SYNE3: variants seen among roughly 807,000 people sequenced by gnomAD.
SYNE3 encodes spectrin repeat containing nuclear envelope family member 3.
A neutral mutation model predicts 111.2 loss-of-function variants in SYNE3; 100 were observed. That is an observed-to-expected ratio of 0.90 (90% CI 0.77 to 1.06). The LOEUF (loss-of-function observed/expected upper bound fraction) is 1.06. Among genes scored for constraint, SYNE3 ranks in the 50% least tolerant of loss-of-function variants. The pLI is 0.00. For missense variants in SYNE3, 1,160 were observed against 1,240.3 expected (o/e 0.94, Z 0.97); for synonymous variants, 547 against 533.9 (o/e 1.02, Z -0.34).
chr14:95,433,499 T>G, intron 15 of SYNE3, 90 bp from the exon 16 acceptor site: 1 of 1,543,986 alleles, frequency 6.5e-7, no homozygotes, highest in South Asian at 1.2e-5. Flanking sequence ...AAATTTCACT[T>G]GACAGACAGG....
chr14:95,466,424 G>A (rs1039784875), intron 3 of SYNE3, among the ~76,000 whole-genome samples, 184 bp from the exon 4 acceptor site: 3 of 152,182 alleles, frequency 2.0e-5, no homozygotes, highest in Non-Finnish European at 4.4e-5. Flanking sequence ...CCCTCCCTCA[G>A]TCCTACTGGA....
At chr14:95,492,298 A>G (rs554996085) in intron 1 of SYNE3, among the ~76,000 whole-genome samples, 2 of 152,246 alleles carry the variant, frequency 1.3e-5, no homozygotes, top group Admixed American at 6.5e-5. Flanking sequence ...AAATGAAAAC[A>G]TATGTCCACA....
intron 3 of SYNE3, 138 bp downstream of exon 3, chr14:95,467,657 C>A (rs1196055937): frequency 6.7e-6 from 7 of 1,041,838 alleles, no homozygotes; most frequent in African/African-American, 3.2e-5. Flanking sequence ...GCAGGGCTGG[C>A]CCTAATCCCA....
intron 4 of SYNE3, among the ~76,000 whole-genome samples, chr14:95,461,484 T>G (rs951129708): frequency 6.6e-6 from 1 of 152,204 alleles, no homozygotes; most frequent in Non-Finnish European, 1.5e-5. Context: ...TAGTCAAGAA[T>G]CTCCCTCTAG....
chr14:95,443,861 G>T (rs1315223126), intron 10 of SYNE3: 1 of 152,228 alleles, frequency 6.6e-6, no homozygotes, highest in African/African-American at 2.4e-5. Flanking sequence ...TAGAGACAGG[G>T]TTTCACCATG....
chr14:95,457,427 T>C, intron 4 of SYNE3, 89 bp from the exon 5 acceptor site: 4 of 1,349,148 alleles, frequency 3.0e-6, no homozygotes, highest in South Asian at 1.4e-5. Context: ...TGGGTGTGTG[T>C]GTGTGTGTGT....
chr14:95,445,835 C>T lies in SYNE3; in HGVS notation c.1632+74G>A, dbSNP rs8013258. ...GCAGAGCTGAGTTTAGAACATAAGG[C>T]CATCTGCCTCCCCAGTGGGTGCTCC... On this transcript the variant is annotated intron_variant, in intron 9 of 17. Coordinates refer to ENST00000682763, the MANE Select transcript of SYNE3 (RefSeq NM_152592.6). The T allele has an allele frequency of 0.012, 18,217 of 1,516,132 alleles. 1,771 individuals are homozygous for T. The African/African-American group carries it at 0.21, about 18-fold the overall frequency. 93.9% of individuals were successfully genotyped at this position (1,516,132 alleles called of 1,614,324 possible). A position where few individuals can be genotyped will look rare whatever the true frequency, so the allele number is the denominator to read the frequency against.
chr14:95,449,562 G>T (rs977303337), intron 8 of SYNE3: 1 of 985,478 alleles, frequency 1.0e-6, no homozygotes, highest in African/African-American at 1.7e-5. Flanking sequence ...TGGACTGCCT[G>T]AATGTCGCTG....
At chr14:95,514,201 T>C (rs1247156707) in intron 1 of SYNE3, among the ~76,000 whole-genome samples, 1 of 152,232 alleles carries the variant, frequency 6.6e-6, no homozygotes, top group Non-Finnish European at 1.5e-5. Context: ...ACTGAAAATA[T>C]TCATTATCAC....
chr14:95,457,419 GGTGTGTGTGTGT>G lies in SYNE3; in HGVS notation c.628-93_628-82del, dbSNP rs36203973. 53 of 1,400,474 alleles carry G rather than the reference GGTGTGTGTGTGT, an allele frequency of 3.8e-5. No homozygotes were observed. The African/African-American group carries it at 5.2e-4, about 14-fold the overall frequency. The allele number at this position is 1,400,474 out of a possible 1,614,324, so 86.8% of individuals were successfully genotyped here. On this transcript the variant is annotated intron_variant, in intron 4 of 17. Coordinates refer to ENST00000682763, the MANE Select transcript of SYNE3 (RefSeq NM_152592.6). The stretch of plus-strand genomic sequence containing the variant: ...GGCCAGAAAGCCCGTAGCCTGCCTG[GGTGTGTGTGTGT>G]GTGTGTGTGTGTGTTAGCAGGGGGT...
At chr14:95,455,149 T>C (rs1040647771) in intron 6 of SYNE3, among the ~76,000 whole-genome samples, 2 of 152,146 alleles carry the variant, frequency 1.3e-5, no homozygotes, top group Non-Finnish European at 2.9e-5. Flanking sequence ...TCTAGGGATG[T>C]TGGGGAAAAA....
intron 1 of SYNE3, among the ~76,000 whole-genome samples, chr14:95,482,202 G>A (rs140881800): frequency 7.3e-5 from 11 of 149,976 alleles, no homozygotes; most frequent in African/African-American, 1.7e-4. Context: ...GGGAGGTCAA[G>A]GCAGGCGGAT....
At position 95,432,095 on chromosome 14, in the gene SYNE3, G is replaced by A. The variant is rs375503107; in HGVS notation, c.2711C>T (p.Pro904Leu). 3.5e-5 allele frequency: 57 copies of A among 1,612,546 alleles called. No individual in the cohort carries two copies. The African/African-American group carries it at 5.6e-4, about 16-fold the overall frequency. Reference protein sequence around the residue: ...HLLTQSSPGEPTGFQKTRRWR... With the variant: ...HLLTQSSPGELTGFQKTRRWR... ...ACACTGTACCTTTTGGAATCCAGTCGGCTCCCCTGGAGAACTTTGTGTCTG... is the reference window on the plus strand; with the variant it reads ...ACACTGTACCTTTTGGAATCCAGTCAGCTCCCCTGGAGAACTTTGTGTCTG... The change falls in exon 17 of 18, where the codon CCG becomes CTG. Residue 904 changes from proline (P) to leucine (L), a missense_variant. By Grantham distance (98) the Pro-to-Leu change is moderately conservative. Transcript: ENST00000682763.
chr14:95,467,439 C>A (rs1202197342), intron 3 of SYNE3, among the ~76,000 whole-genome samples: 1 of 152,178 alleles, frequency 6.6e-6, no homozygotes, highest in African/African-American at 2.4e-5. Flanking sequence ...CACCCCCTGT[C>A]CCGGCCAACC....
At position 95,470,248 on chromosome 14, in the gene SYNE3, C is replaced by A. The variant is rs982361508; in HGVS notation, c.145-2281G>T. Among the ~76,000 whole-genome samples the A allele has an allele frequency of 1.3e-5, 2 of 152,104 alleles. No individual in the cohort carries two copies. The highest frequency in any genetic ancestry group is 1.3e-4 in the Admixed American group (2 of 15,270). On this transcript the variant is annotated intron_variant, in intron 2 of 17. Transcript: ENST00000682763. This position sits in a 1 kb window ranked among gnomAD's most constrained non-coding sequence, Gnocchi z 4.2. ...TTCTAGACTGAATACGATTATCCACCCAGGATGTTTCACACCACCCAGGGG... is the reference window on the plus strand; with the variant it reads ...TTCTAGACTGAATACGATTATCCACACAGGATGTTTCACACCACCCAGGGG...
Position 95,499,856 on chromosome 14 carries a change from C to CTTT in SYNE3, c.-15+16737_-15+16739dup, listed in dbSNP as rs10547044. ...AATCCCCTGTATCACTAACTCTTGT[C>CTTT]TTTTTTTTTTTTTTTTTTTTGAGAT... On this transcript the variant is annotated intron_variant, in intron 1 of 17. Transcript: ENST00000682763. Among the ~76,000 whole-genome samples, 17 of 90,060 alleles carry CTTT rather than the reference C, an allele frequency of 1.9e-4. 3 individuals are homozygous for CTTT. The highest frequency in any genetic ancestry group is 5.6e-4 in the African/African-American group (12 of 21,244). 59.1% of individuals were successfully genotyped at this position (90,060 alleles called of 152,430 possible).
intron 1 of SYNE3, among the ~76,000 whole-genome samples, chr14:95,508,338 C>T (rs1271787676): frequency 2.6e-5 from 4 of 152,232 alleles, no homozygotes; most frequent in Non-Finnish European, 4.4e-5. Flanking sequence ...TCTTAGATGG[C>T]ACCCAATGGA....
intron 17 of SYNE3, among the ~76,000 whole-genome samples, chr14:95,421,067 T>C (rs2139341683): frequency 6.6e-6 from 1 of 152,334 alleles, no homozygotes; most frequent in East Asian, 1.9e-4. Context: ...TCTGCTGCCA[T>C]GTAAGATGTG....
At position 95,470,238 on chromosome 14, in the gene SYNE3, G is replaced by A. The variant is rs185625728; in HGVS notation, c.145-2271C>T. On this transcript the variant is annotated intron_variant, in intron 2 of 17. Coordinates refer to ENST00000682763, the MANE Select transcript of SYNE3 (RefSeq NM_152592.6). This position sits in a 1 kb window ranked among gnomAD's most constrained non-coding sequence, Gnocchi z 4.2. ...GTGTGGAATGTTCTAGACTGAATACGATTATCCACCCAGGATGTTTCACAC... is the reference window on the plus strand; with the variant it reads ...GTGTGGAATGTTCTAGACTGAATACAATTATCCACCCAGGATGTTTCACAC... 4.6e-5 allele frequency among the ~76,000 whole-genome samples: 7 copies of A among 152,300 alleles called. No homozygotes were observed. Among genetic ancestry groups the A allele is most frequent in the Admixed American group, 1.3e-4 (2 of 15,304 alleles).
Sources: gnomAD v4.1 joint callset for allele counts (sites outside exome capture counted in the v4.1 genomes callset) on GRCh38, gnomAD v4.1.1 for gene constraint, Gnocchi (gnomAD v3.1) non-coding constraint, MANE v1.5 for transcripts, NCBI Gene and HGNC (gene_info 2026-07-23, HGNC 2026-07-21) for gene names.